DCAF12: variants seen among roughly 807,000 people sequenced by gnomAD.
DCAF12 encodes the protein DDB1- and CUL4-associated factor 12.
A neutral mutation model predicts 52.8 loss-of-function variants in DCAF12; 28 were observed. The observed-to-expected ratio is 0.53, with a 90% confidence interval of 0.39 to 0.73. The LOEUF (loss-of-function observed/expected upper bound fraction) is 0.73, where lower values mean the gene tolerates loss of function less well. Ranked by LOEUF, DCAF12 falls within the 30% of genes least tolerant of loss-of-function variation. The pLI is 0.00. For synonymous variants in DCAF12, 196 were observed against 215.5 expected (o/e 0.91, Z 0.79); for missense variants, 425 against 552.2 (o/e 0.77, Z 2.31).
intron 2 of DCAF12, among the ~76,000 whole-genome samples, 166 bp downstream of exon 2, chr9:34,124,857 A>G (rs1829222627): frequency 6.6e-6 from 1 of 152,198 alleles, no homozygotes; most frequent in African/African-American, 2.4e-5. Context: ...TGAGTGAAAA[A>G]AGGAACACGA....
intron 2 of DCAF12, among the ~76,000 whole-genome samples, chr9:34,117,730 C>T (rs2131442076): frequency 6.6e-6 from 1 of 152,252 alleles, no homozygotes; most frequent in South Asian, 2.1e-4. Flanking sequence ...GCCTCACCAA[C>T]ATGGAGAAAC....
chr9:34,111,131 G>A (rs1020420636), intron 2 of DCAF12, among the ~76,000 whole-genome samples: 1 of 151,728 alleles, frequency 6.6e-6, no homozygotes, highest in Non-Finnish European at 1.5e-5. Flanking sequence ...GACTACAGGC[G>A]TGCACCACCA....
chr9:34,088,458 G>A lies in DCAF12; in HGVS notation c.1254C>T (p.Pro418=), dbSNP rs1303511827. Residue 418 remains proline (P), a synonymous_variant, in exon 9 of 9, where the codon CCC becomes CCT. Transcript: ENST00000361264. The part of the protein sequence containing the change: ...RNYFSDIDFF[P]NAVYTHCYDS... ...CGTAGCAGTGGGTGTAAACAGCATT[G>A]GGGAAGAAGTCAATGTCTGAAAAGT... The A allele has an allele frequency of 6.2e-7, 1 of 1,614,148 alleles. No individual in the cohort carries two copies. Among genetic ancestry groups the A allele is most frequent in the South Asian group, 1.1e-5 (1 of 91,084 alleles).
intron 1 of DCAF12, chr9:34,125,805 G>A (rs922755252): frequency 3.3e-6 from 1 of 302,774 alleles, no homozygotes; most frequent in Non-Finnish European, 6.9e-6. Context: ...CGGGGTAGTA[G>A]GCCCCCGGGA....
Position 34,096,712 on chromosome 9 carries a change from A to G in DCAF12, c.861+4T>C. The G allele has an allele frequency of 1.2e-6, 2 of 1,613,272 alleles. No individual in the cohort carries two copies. The highest frequency in any genetic ancestry group is 8.5e-7 in the Non-Finnish European group (1 of 1,179,454). On this transcript the variant is annotated splice_donor_region_variant and intron_variant, in intron 6 of 8. Transcript: ENST00000361264. ...GTAAAACCACAAAATCATGTTCATC[A>G]CACCTTAGATAGTGTATTTTCAGCC...
intron 2 of DCAF12, among the ~76,000 whole-genome samples, chr9:34,115,354 G>C (rs7871667): frequency 1.3e-5 from 2 of 150,876 alleles, no homozygotes; most frequent in Admixed American, 6.7e-5. Context: ...CACTTTGGGA[G>C]GCCGAGGCGG....
chr9:34,089,717 T>C, intron 7 of DCAF12, 127 bp from the exon 8 acceptor site: 1 of 864,158 alleles, frequency 1.2e-6, no homozygotes, highest in Non-Finnish European at 1.7e-6. Context: ...CCCCACAAAG[T>C]ATCAGACAGT....
rs1828923532 is a variant in DCAF12 at position 34,107,522 on chromosome 9, G to C, written c.377C>G (p.Pro126Arg). The C allele has an allele frequency of 6.2e-7, 1 of 1,614,114 alleles. No individual in the cohort carries two copies. Among genetic ancestry groups the C allele is most frequent in the East Asian group, 2.2e-5 (1 of 44,892 alleles). Residue 126 changes from proline (P) to arginine (R), a missense_variant, in exon 3 of 9, where the codon CCC becomes CGC. By Grantham distance (103) the Pro-to-Arg change is moderately radical. Transcript: ENST00000361264. ...DVQTSQITKI[P>R]ILKDREPGGV... The stretch of plus-strand genomic sequence containing the variant: ...TCCAGGCTCCCGGTCTTTCAGAATG[G>C]GGATCTTGGTGATCTGGCTTGTCTG...
At chr9:34,119,166 T>G (rs1194694641) in intron 2 of DCAF12, among the ~76,000 whole-genome samples, 2 of 152,190 alleles carry the variant, frequency 1.3e-5, no homozygotes, top group Non-Finnish European at 2.9e-5. Context: ...TTGCATATTC[T>G]ACTACTGTAT....
chr9:34,103,095 CAA>C (rs34456166), intron 4 of DCAF12, among the ~76,000 whole-genome samples: 1,359 of 100,180 alleles, frequency 0.014, 15 homozygotes, highest in African/African-American at 0.044. Context: ...ACCTTAACTC[CAA>C]AAAAAAAAAA....
intron 2 of DCAF12, among the ~76,000 whole-genome samples, chr9:34,122,519 C>T (rs1829190940): frequency 6.7e-6 from 1 of 149,468 alleles, no homozygotes; most frequent in Admixed American, 6.7e-5. Context: ...CTCTGTTGCC[C>T]AGGCTGGAGT....
In DCAF12 at chr9:34,126,356, G is replaced by C. The variant is rs772841289; in HGVS notation, c.76C>G (p.Gln26Glu). 73 of 1,612,218 alleles carry C rather than the reference G, an allele frequency of 4.5e-5. No individual in the cohort carries two copies. The highest frequency in any genetic ancestry group is 1.3e-4 in the Admixed American group (8 of 59,962). ...GGTGCCGGCCTCTCAACCCTCACCTGCGGGCCCTGAGCGTCGCTCCCAGCT... is the reference window on the plus strand; with the variant it reads ...GGTGCCGGCCTCTCAACCCTCACCTCCGGGCCCTGAGCGTCGCTCCCAGCT... ...PGAGSDAQGPQFGWDHSLHKR... is the reference protein window; with the variant it reads ...PGAGSDAQGPEFGWDHSLHKR... Residue 26 changes from glutamine to glutamate, a missense_variant and splice_region_variant, in exon 1 of 9, where the codon CAG becomes GAG. This residue lies in a region of DCAF12 where 89 missense variants were observed against 84.9 expected (regional missense o/e 1.05). Coordinates refer to ENST00000361264, the MANE Select transcript of DCAF12 (RefSeq NM_015397.4).
chr9:34,105,185 G>T (rs531079818), intron 4 of DCAF12, among the ~76,000 whole-genome samples: 1 of 152,018 alleles, frequency 6.6e-6, no homozygotes, highest in Non-Finnish European at 1.5e-5. Flanking sequence ...CCTGGGAAGC[G>T]GAGGTTGTGG....
rs1264846355 is a variant in DCAF12 at position 34,107,479 on chromosome 9, G to A, written c.420C>T (p.Gly140=). Residue 140 remains glycine (G), a synonymous_variant, in exon 3 of 9, where the codon GGC becomes GGT. Transcript: ENST00000361264. ...TCAGCTCGATGGCATGGATACCACA[G>A]CCCTGCTGGGTCACACCTCCAGGCT... The part of the protein sequence containing the change: ...DREPGGVTQQ[G]CGIHAIELNP... 2 of 1,614,148 alleles carry A rather than the reference G, an allele frequency of 1.2e-6. No homozygotes were observed. Among genetic ancestry groups the A allele is most frequent in the Admixed American group, 1.7e-5 (1 of 59,996 alleles).
At chr9:34,115,205 T>C (rs1392338629) in intron 2 of DCAF12, among the ~76,000 whole-genome samples, 1 of 151,706 alleles carries the variant, frequency 6.6e-6, no homozygotes, top group East Asian at 1.9e-4. Context: ...CTATTCACTA[T>C]CCCAATCTGA....
intron 5 of DCAF12, among the ~76,000 whole-genome samples, chr9:34,097,340 C>T (rs963836481): frequency 2.0e-5 from 3 of 149,170 alleles, no homozygotes; most frequent in African/African-American, 7.5e-5. Flanking sequence ...CGGCTCACTG[C>T]CAACCTCCAC....
chr9:34,124,939 C>T (rs1218005198), intron 2 of DCAF12, 84 bp downstream of exon 2: 8 of 1,529,326 alleles, frequency 5.2e-6, no homozygotes, highest in Admixed American at 3.9e-5. Context: ...AAGAAACAGA[C>T]GGGAAAACTA....
intron 4 of DCAF12, among the ~76,000 whole-genome samples, chr9:34,101,070 T>TTC (rs1220655978): frequency 6.7e-6 from 1 of 148,450 alleles, no homozygotes; most frequent in East Asian, 2.0e-4. Flanking sequence ...CCAACTTTTT[T>TTC]TTTTTTTTTT....
intron 6 of DCAF12, chr9:34,096,175 G>A (rs1828731530): frequency 6.6e-6 from 1 of 152,332 alleles, no homozygotes; most frequent in Non-Finnish European, 1.5e-5. Context: ...GGGAAACATA[G>A]TGAGACTCTG....
Sources: allele counts gnomAD v4.1 joint callset (sites outside exome capture counted in the v4.1 genomes callset), GRCh38; gene constraint gnomAD v4.1.1; regional missense constraint gnomAD v4.1.1; transcripts MANE v1.5; gene names NCBI Gene and HGNC (gene_info 2026-07-23, HGNC 2026-07-21).